XKR6: variants seen among roughly 807,000 people sequenced by gnomAD.
XKR6 encodes XK related 6.
Under a neutral mutation model 56.7 loss-of-function variants are expected in XKR6, and 22 were observed. The ratio of observed to expected loss-of-function variants is 0.39; its 90% CI spans 0.28 to 0.55. XKR6 has a LOEUF of 0.55. Among genes scored for constraint, XKR6 ranks in the 20% least tolerant of loss-of-function variants. The pLI, the probability that XKR6 is intolerant of heterozygous loss-of-function variation, is 0.66. For missense variants in XKR6, 852 were observed against 889.0 expected, an observed-to-expected ratio of 0.96 and a Z score of 0.53; for synonymous variants, 524 against 387.8, an observed-to-expected ratio of 1.35 and a Z score of -4.13.
Position 11,125,379 on chromosome 8 carries a change from G to C in XKR6, c.764+75197C>G, listed in dbSNP as rs1242041136. The stretch of plus-strand genomic sequence containing the variant: ...TGAAGACACCTTTAGGTGTGCTCAG[G>C]TTATTGATTTTAGGCAAAGGGGAGG... On this transcript the variant is annotated intron_variant, in intron 1 of 2. Coordinates refer to ENST00000416569, the MANE Select transcript of XKR6 (RefSeq NM_173683.4). 2.6e-5 allele frequency among the ~76,000 whole-genome samples: 4 copies of C among 152,140 alleles called. No homozygotes were observed. The East Asian group carries it at 5.8e-4, about 22-fold the overall frequency.
chr8:11,062,582 A>G (rs1192933054), intron 1 of XKR6: 2 of 364,546 alleles, frequency 5.5e-6, no homozygotes, highest in Non-Finnish European at 1.1e-5. Flanking sequence ...GATTAAATGC[A>G]CTAGCAAGGG....
At chr8:11,076,245 A>G (rs2129168520) in intron 1 of XKR6, among the ~76,000 whole-genome samples, 1 of 152,246 alleles carries the variant, frequency 6.6e-6, no homozygotes, top group East Asian at 1.9e-4. Context: ...GTGCTGTTTA[A>G]TGGGTGTGGA....
chr8:10,914,700 G>C (rs7015168), intron 2 of XKR6, among the ~76,000 whole-genome samples: 57,429 of 152,094 alleles, frequency 0.38, 12,025 homozygotes, highest in Middle Eastern at 0.49. Flanking sequence ...CTTGTGAGGG[G>C]GGCTCCTTAA....
chr8:11,120,282 A>C (rs1799384447), intron 1 of XKR6, among the ~76,000 whole-genome samples: 4 of 152,338 alleles, frequency 2.6e-5, no homozygotes, highest in Middle Eastern at 6.8e-3. Context: ...TATATTTAGA[A>C]AACCCCATCG....
intron 1 of XKR6, among the ~76,000 whole-genome samples, chr8:10,995,383 A>G (rs1300698017): frequency 5.4e-5 from 8 of 148,110 alleles, no homozygotes; most frequent in African/African-American, 2.0e-4. Context: ...ATATATGTAT[A>G]TGATATATAT....
chr8:10,944,902 C>T (rs958146639), intron 1 of XKR6, among the ~76,000 whole-genome samples: 13 of 152,308 alleles, frequency 8.5e-5, no homozygotes, highest in Non-Finnish European at 1.6e-4. Flanking sequence ...TGTCTGAGAA[C>T]GCAGGGATGA....
chr8:11,165,287 A>G (rs1166590387), intron 1 of XKR6, among the ~76,000 whole-genome samples: 3 of 151,824 alleles, frequency 2.0e-5, no homozygotes, highest in Admixed American at 6.6e-5. Context: ...TTTAATAGAG[A>G]TGGGGTTTCA....
chr8:11,019,918 G>T (rs1201620753), intron 1 of XKR6, among the ~76,000 whole-genome samples: 1 of 152,168 alleles, frequency 6.6e-6, no homozygotes, highest in Non-Finnish European at 1.5e-5. Context: ...GGCCAGAGTG[G>T]GGCAGAGAGG....
chr8:11,034,796 A>G (rs1201751074), intron 1 of XKR6, among the ~76,000 whole-genome samples: 2 of 152,140 alleles, frequency 1.3e-5, no homozygotes, highest in African/African-American at 4.8e-5. Context: ...TGCAACATTT[A>G]CCATGGCCAG....
chr8:11,187,845 C>T (rs1803356092), intron 1 of XKR6, among the ~76,000 whole-genome samples: 1 of 152,170 alleles, frequency 6.6e-6, no homozygotes, highest in South Asian at 2.1e-4. Flanking sequence ...AATGAATCTA[C>T]ATAACCCAGG....
intron 1 of XKR6, among the ~76,000 whole-genome samples, chr8:11,004,969 T>C (rs1798331265): frequency 6.6e-6 from 1 of 152,162 alleles, no homozygotes; most frequent in South Asian, 2.1e-4. Context: ...TCTACTTAAA[T>C]GACGTACCAA....
intron 2 of XKR6, among the ~76,000 whole-genome samples, chr8:10,902,410 T>C (rs1586283879): frequency 6.6e-6 from 1 of 152,158 alleles, no homozygotes; most frequent in Non-Finnish European, 1.5e-5. Context: ...GGGGCTTGGG[T>C]GGCTTGCTCA....
At chr8:10,956,596 T>A (rs1037914343) in intron 1 of XKR6, among the ~76,000 whole-genome samples, 24 of 152,138 alleles carry the variant, frequency 1.6e-4, no homozygotes, top group African/African-American at 5.8e-4. Context: ...CAGGGCCAAA[T>A]CCAGGAGTCA....
chr8:10,910,224 C>T (rs1321179777), intron 2 of XKR6, among the ~76,000 whole-genome samples: 1 of 151,916 alleles, frequency 6.6e-6, no homozygotes, highest in Admixed American at 6.6e-5. Flanking sequence ...TGACTTGGCC[C>T]CAAATATAAT....
At chr8:11,154,777 T>G (rs1218621451) in intron 1 of XKR6, among the ~76,000 whole-genome samples, 1 of 152,216 alleles carries the variant, frequency 6.6e-6, no homozygotes, top group Non-Finnish European at 1.5e-5. Context: ...AAACAGGGTC[T>G]ACCCTTCAAC....
chr8:11,015,563 G>C (rs1434772492), intron 1 of XKR6, among the ~76,000 whole-genome samples: 1 of 152,148 alleles, frequency 6.6e-6, no homozygotes, highest in Admixed American at 6.5e-5. Flanking sequence ...AGCCGGCCAG[G>C]TCTGACCGAG....
intron 1 of XKR6, among the ~76,000 whole-genome samples, chr8:11,156,746 G>C (rs962958879): frequency 8.6e-5 from 13 of 152,024 alleles, no homozygotes; most frequent in African/African-American, 2.4e-5. Context: ...ACAAAATCTT[G>C]CTTACAGAAG....
At chr8:11,054,309 G>A (rs951222438) in intron 1 of XKR6, among the ~76,000 whole-genome samples, 1 of 152,198 alleles carries the variant, frequency 6.6e-6, no homozygotes, top group African/African-American at 2.4e-5. Context: ...CAGTAAGTTT[G>A]TCCTAACTAC....
At chr8:11,029,353 C>T (rs1268396027) in intron 1 of XKR6, among the ~76,000 whole-genome samples, 1 of 152,156 alleles carries the variant, frequency 6.6e-6, no homozygotes, top group African/African-American at 2.4e-5. Context: ...ACTGTGTTTC[C>T]CCAGATCCAT....
Sources: gnomAD v4.1 joint callset for allele counts (sites outside exome capture counted in the v4.1 genomes callset) on GRCh38, gnomAD v4.1.1 for gene constraint, MANE v1.5 for transcripts, NCBI Gene and HGNC (gene_info 2026-07-23, HGNC 2026-07-21) for gene names.